EPHA6: variants seen among roughly 807,000 people sequenced by gnomAD.
The protein encoded by EPHA6 is ephrin type-A receptor 6.
In EPHA6, 50 loss-of-function variants were observed where a neutral mutation model predicts 112.0. That is an observed-to-expected ratio of 0.45 (90% CI 0.36 to 0.56). EPHA6 has a LOEUF of 0.56. EPHA6 is among the 20% of genes least tolerant of loss of function. EPHA6 has a pLI of 0.00. For synonymous variants in EPHA6, 529 were observed against 490.7 expected (o/e 1.08, Z -1.03); for missense variants, 1,280 against 1,417.4 (o/e 0.90, Z 1.56).
rs66581386 is a variant in EPHA6, at chr3:96,994,709, G to GTATATA, written c.1114+6735_1114+6740dup. Among the ~76,000 whole-genome samples, 474 of 98,350 alleles carry GTATATA rather than the reference G, an allele frequency of 4.8e-3. 9 individuals are homozygous for GTATATA. The highest frequency in any genetic ancestry group is 0.02 in the African/African-American group (374 of 18,566). 64.5% of individuals were successfully genotyped at this position (98,350 alleles called of 152,430 possible). On this transcript the variant is annotated intron_variant, in intron 3 of 17. Coordinates refer to ENST00000389672, the MANE Select transcript of EPHA6 (RefSeq NM_001080448.3). ...TGTGTGTGTATGTGTGTGTGTGTGTGTATATATATATATATATATATATAG... is the reference window on the plus strand; with the variant it reads ...TGTGTGTGTATGTGTGTGTGTGTGTGTATATATATATATATATATATATATATATAG...
At chr3:97,290,365 G>A (rs924968935) in intron 5 of EPHA6, among the ~76,000 whole-genome samples, 1 of 152,038 alleles carries the variant, frequency 6.6e-6, no homozygotes, top group Non-Finnish European at 1.5e-5. Flanking sequence ...AGTATGTGGT[G>A]GATCTTGGAG....
At chr3:97,491,878 G>A (rs547647835) in intron 10 of EPHA6, among the ~76,000 whole-genome samples, 10 of 152,006 alleles carry the variant, frequency 6.6e-5, no homozygotes, top group Middle Eastern at 3.4e-3. Flanking sequence ...GGCCACTTGA[G>A]GTCTTGTCTC....
At chr3:97,019,432 C>T (rs955480237) in intron 3 of EPHA6, among the ~76,000 whole-genome samples, 3 of 152,042 alleles carry the variant, frequency 2.0e-5, no homozygotes, top group African/African-American at 4.8e-5. Context: ...TGCCATCACT[C>T]TCCTCTCTAG....
intron 10 of EPHA6, among the ~76,000 whole-genome samples, chr3:97,512,440 T>C (rs188227613): frequency 2.2e-4 from 34 of 152,246 alleles, no homozygotes; most frequent in African/African-American, 7.9e-4. Flanking sequence ...AAATAATTAT[T>C]TGAATATTTT....
At chr3:97,657,650 G>T (rs978389178) in intron 14 of EPHA6, among the ~76,000 whole-genome samples, 35 of 151,850 alleles carry the variant, frequency 2.3e-4, no homozygotes, top group Middle Eastern at 3.4e-3. Flanking sequence ...TTTACAGAAT[G>T]TTATAAGAAC....
chr3:97,303,430 AGAGCAAGACC>A (rs957210254), intron 5 of EPHA6, among the ~76,000 whole-genome samples: 9 of 152,000 alleles, frequency 5.9e-5, no homozygotes, highest in African/African-American at 1.9e-4. Flanking sequence ...AACAAACAGT[AGAGCAAGACC>A]GAGCAAGAGA....
intron 3 of EPHA6, among the ~76,000 whole-genome samples, chr3:97,130,398 G>T (rs1452592838): frequency 6.7e-6 from 1 of 148,846 alleles, no homozygotes; most frequent in Non-Finnish European, 1.5e-5. Context: ...AATTGGTTTG[G>T]TCATAATTCA....
chr3:97,168,653 G>T (rs975367107), intron 3 of EPHA6, among the ~76,000 whole-genome samples: 1 of 151,660 alleles, frequency 6.6e-6, no homozygotes, highest in East Asian at 1.9e-4. Context: ...ATGTGAAGAT[G>T]TGCTTGCTTC....
chr3:97,358,244 A>T (rs1379219378), intron 5 of EPHA6, among the ~76,000 whole-genome samples: 3 of 147,606 alleles, frequency 2.0e-5, no homozygotes, highest in South Asian at 2.2e-4. Context: ...GTTTTTGGTA[A>T]CTATTTTCTT....
rs2093110072 is a variant in EPHA6 at position 97,556,397 on chromosome 3, T to C, written c.2386+23854T>C. 2.0e-5 allele frequency among the ~76,000 whole-genome samples: 3 copies of C among 152,010 alleles called. No individual in the cohort carries two copies. The South Asian group carries it at 6.2e-4, about 31-fold the overall frequency. On this transcript the variant is annotated intron_variant, in intron 11 of 17. Transcript: ENST00000389672. ...ATAGGAAAGAGGTTTAATTCACAGC[T>C]CAGCATGGCTGGGGGGTCCTCAGGA...
chr3:97,655,085 ATATATATTATATGT>A (rs1325901790), intron 14 of EPHA6, among the ~76,000 whole-genome samples: 1 of 148,162 alleles, frequency 6.7e-6, no homozygotes, highest in Non-Finnish European at 1.5e-5. Flanking sequence ...TGGAGAAAAT[ATATATATTATATGT>A]TATATATTAT....
In EPHA6 at chr3:96,814,831, C is replaced by T; in HGVS notation, c.208C>T (p.His70Tyr). ...EEEEDVDKDP[H>Y]PTQNTCLRCR... ...GGAAGAAGACGTGGACAAGGACCCCCATCCTACCCAGAACACCTGCCTGCG... is the reference window on the plus strand; with the variant it reads ...GGAAGAAGACGTGGACAAGGACCCCTATCCTACCCAGAACACCTGCCTGCG... Residue 70 changes from histidine (H) to tyrosine (Y), a missense_variant, in exon 1 of 18, where the codon CAT becomes TAT. Physicochemically the swap from His to Tyr is moderately conservative, Grantham distance 83 (BLOSUM62 2). Transcript: ENST00000389672. The T allele has an allele frequency of 6.3e-7, 1 of 1,583,574 alleles. No homozygotes were observed. The highest frequency in any genetic ancestry group is 8.6e-7 in the Non-Finnish European group (1 of 1,164,334).
At chr3:97,694,305 C>T (rs1017331305) in intron 14 of EPHA6, among the ~76,000 whole-genome samples, 3 of 151,438 alleles carry the variant, frequency 2.0e-5, no homozygotes, top group African/African-American at 4.9e-5. Flanking sequence ...GGCGTGATCT[C>T]GGCTCACTGC....
At chr3:97,630,787 A>G (rs562308360) in intron 13 of EPHA6, among the ~76,000 whole-genome samples, 3 of 152,038 alleles carry the variant, frequency 2.0e-5, no homozygotes, top group Non-Finnish European at 4.4e-5. Context: ...GCCCCGGGCA[A>G]AAATTTTAAG....
intron 6 of EPHA6, among the ~76,000 whole-genome samples, chr3:97,425,694 A>C (rs572506505): frequency 1.8e-4 from 27 of 152,358 alleles, no homozygotes; most frequent in Admixed American, 3.9e-4. Context: ...AAATTTCTGC[A>C]GGAGGCTTGA....
At chr3:96,883,641 A>G (rs931971511) in intron 2 of EPHA6, among the ~76,000 whole-genome samples, 5 of 152,116 alleles carry the variant, frequency 3.3e-5, no homozygotes, top group African/African-American at 1.2e-4. Context: ...GTGGCTAGCC[A>G]GTTATCTCAA....
intron 14 of EPHA6, among the ~76,000 whole-genome samples, chr3:97,640,285 A>G (rs1444306450): frequency 6.6e-6 from 1 of 152,172 alleles, no homozygotes. Context: ...ATGGAAATGC[A>G]AAAAAGTGAA....
At chr3:97,095,132 A>G (rs536196771) in intron 3 of EPHA6, among the ~76,000 whole-genome samples, 2 of 152,216 alleles carry the variant, frequency 1.3e-5, no homozygotes, top group Admixed American at 1.3e-4. Flanking sequence ...ACTATTTTCA[A>G]CAAAAGTAAA....
chr3:97,111,188 A>G (rs74847387), intron 3 of EPHA6, among the ~76,000 whole-genome samples: 15,395 of 152,136 alleles, frequency 0.1, 1,282 homozygotes, highest in Admixed American at 0.22. Context: ...GGTTATTTTC[A>G]ACAACAACAG....
Sources: allele counts gnomAD v4.1 joint callset (sites outside exome capture counted in the v4.1 genomes callset), GRCh38; gene constraint gnomAD v4.1.1; transcripts MANE v1.5; gene names NCBI Gene and HGNC (gene_info 2026-07-23, HGNC 2026-07-21).